AFF2: variants seen among roughly 807,000 people sequenced by gnomAD.
The protein encoded by AFF2 is ALF transcription elongation factor 2.
Under a neutral mutation model 76.9 loss-of-function variants are expected in AFF2, and 14 were observed. That is an observed-to-expected ratio of 0.18 (90% confidence interval 0.12 to 0.28). The LOEUF is 0.28. Ranked by LOEUF, AFF2 falls within the 10% of genes least tolerant of loss-of-function variation. The pLI, the probability that AFF2 is intolerant of heterozygous loss-of-function variation, is 1.00. For missense variants in AFF2, 868 were observed against 1,001.1 expected (o/e 0.87, Z 1.79); for synonymous variants, 398 against 366.7 (o/e 1.09, Z -0.98).
chrX:148,971,133 T>G (rs1055068718), intron 15 of AFF2, among the ~76,000 whole-genome samples: 2 of 108,972 alleles, frequency 1.8e-5, no homozygotes, highest in Admixed American at 2.0e-4. Context: ...ATTGTTTTTT[T>G]TTTTTTTTTT....
In AFF2 at chrX:148,642,272, T is replaced by C. The variant is rs1019934407; in HGVS notation, c.48-9727T>C. Among the ~76,000 whole-genome samples, 3 of 112,283 alleles carry C rather than the reference T, an allele frequency of 2.7e-5. No homozygotes were observed. The Admixed American group carries it at 2.8e-4, about 11-fold the overall frequency. On this transcript the variant is annotated intron_variant, in intron 1 of 20. Coordinates refer to ENST00000370460, the MANE Select transcript of AFF2 (RefSeq NM_002025.4). ...GAGTGCAAGTGGATCAAAGGGTTTG[T>C]TGAGATGTGAAAACAGAGTCAGCTT...
intron 3 of AFF2, among the ~76,000 whole-genome samples, chrX:148,785,127 G>T (rs1557269396): frequency 8.9e-6 from 1 of 112,355 alleles, no homozygotes; most frequent in African/African-American, 3.2e-5. Flanking sequence ...GTGTACGCAT[G>T]CGCATGCACA....
intron 1 of AFF2, among the ~76,000 whole-genome samples, chrX:148,560,500 A>C (rs2053099757): frequency 1.8e-5 from 2 of 112,302 alleles, no homozygotes; most frequent in Non-Finnish European, 3.8e-5. Flanking sequence ...AAAACGCCAA[A>C]AGCAACAGCA....
chrX:148,668,537 G>A (rs150335724), intron 3 of AFF2, among the ~76,000 whole-genome samples: 7,552 of 112,318 alleles, frequency 0.067, 211 homozygotes, highest in South Asian at 0.12. Flanking sequence ...TGAAATCTAG[G>A]TGGAGGTTCC....
In AFF2 at chrX:148,973,622, T is replaced by C. The variant is rs782397044; in HGVS notation, c.3404+15T>C. ...GAGCTCCTCAGGTGAATAGCCTTTC[T>C]GCAATCATCTTCCTACACTCATTTC... On this transcript the variant is annotated intron_variant, in intron 16 of 20. Transcript: ENST00000370460. 9 of 1,189,001 alleles carry C rather than the reference T, an allele frequency of 7.6e-6. No homozygotes were observed. Among genetic ancestry groups the C allele is most frequent in the Admixed American group, 2.2e-5 (1 of 45,645 alleles).
chrX:148,854,504 A>T (rs1305696778), intron 7 of AFF2, among the ~76,000 whole-genome samples: 2 of 111,700 alleles, frequency 1.8e-5, no homozygotes, highest in Non-Finnish European at 3.8e-5. Context: ...GATCTATCCC[A>T]GAAAAACCCC....
intron 13 of AFF2, among the ~76,000 whole-genome samples, chrX:148,966,526 C>T (rs2072174629): frequency 1.8e-5 from 2 of 109,822 alleles, no homozygotes; most frequent in African/African-American, 3.3e-5. Context: ...TTTGCTGTGG[C>T]TGTCTTAATG....
At chrX:148,719,249 G>C (rs62610426) in intron 3 of AFF2, 12,443 of 1,114,966 alleles carry the variant, frequency 0.011, 61 homozygotes, top group Non-Finnish European at 0.013. Flanking sequence ...ATATGAGTTG[G>C]CTGTAGAAGG....
At chrX:148,842,758 C>A (rs782655680) in intron 5 of AFF2, among the ~76,000 whole-genome samples, 2 of 111,732 alleles carry the variant, frequency 1.8e-5, no homozygotes, top group Non-Finnish European at 3.8e-5. Flanking sequence ...GATTAAATGG[C>A]AGTTATGATC....
chrX:148,987,749 C>T (rs782742926), intron 20 of AFF2, among the ~76,000 whole-genome samples, 192 bp downstream of exon 20: 7 of 111,501 alleles, frequency 6.3e-5, no homozygotes, highest in South Asian at 3.8e-4. Flanking sequence ...AAAAAAGCCC[C>T]GGAATTTTGT....
intron 1 of AFF2, among the ~76,000 whole-genome samples, chrX:148,624,196 C>T (rs782353008): frequency 9.0e-6 from 1 of 111,247 alleles, no homozygotes; most frequent in South Asian, 3.8e-4. Flanking sequence ...TTTTGCAGTC[C>T]GCAGTCCCTT....
At chrX:148,550,765 C>T (rs1199979029) in intron 1 of AFF2, among the ~76,000 whole-genome samples, 2 of 111,318 alleles carry the variant, frequency 1.8e-5, no homozygotes, top group East Asian at 2.8e-4. Flanking sequence ...AAATGTATTG[C>T]GTTAATGGTT....
chrX:148,735,672 G>A (rs1448499538), intron 3 of AFF2, among the ~76,000 whole-genome samples: 1 of 110,893 alleles, frequency 9.0e-6, no homozygotes, highest in African/African-American at 3.3e-5. Flanking sequence ...GGTTGCATGT[G>A]TAAGTTTTTT....
intron 1 of AFF2, among the ~76,000 whole-genome samples, chrX:148,609,754 A>G (rs782041864): frequency 9.0e-6 from 1 of 111,694 alleles, no homozygotes; most frequent in African/African-American, 3.3e-5. Flanking sequence ...TGAGACACAC[A>G]CATTGGATAT....
rs782049540 is a variant in AFF2 at position 148,955,841 on chromosome X, G to A, written c.1796G>A (p.Arg599Gln). 6 of 1,209,381 alleles carry A rather than the reference G, an allele frequency of 5.0e-6. No individual in the cohort carries two copies. The highest frequency in any genetic ancestry group is 3.5e-5 in the South Asian group (2 of 56,731). ...LSLIREKARP[R>Q]PTQKIPETKA... The stretch of plus-strand genomic sequence containing the variant: ...CTCATTAGGGAGAAAGCCCGTCCAC[G>A]GCCCACTCAGAAAATTCCAGAAACA... Residue 599 changes from arginine to glutamine, a missense_variant, in exon 11 of 21, where the codon CGG becomes CAG. Physicochemically the swap from Arg to Gln is conservative, Grantham distance 43. Around this residue, in one of 6 missense-constraint regions of AFF2, gnomAD observed 532 missense variants for 564.2 expected, o/e 0.94. Transcript: ENST00000370460.
At chrX:148,703,241 T>C (rs2054825324) in intron 3 of AFF2, among the ~76,000 whole-genome samples, 1 of 111,960 alleles carries the variant, frequency 8.9e-6, no homozygotes, top group Non-Finnish European at 1.9e-5. Flanking sequence ...CAGGAATAAA[T>C]TGCATACAAA....
At chrX:148,790,071 G>A (rs1358701587) in intron 3 of AFF2, among the ~76,000 whole-genome samples, 5 of 111,986 alleles carry the variant, frequency 4.5e-5, no homozygotes, top group African/African-American at 1.6e-4. Flanking sequence ...AGAGCTGTAA[G>A]AATAAGTCCA....
intron 1 of AFF2, among the ~76,000 whole-genome samples, chrX:148,564,701 C>T (rs1603243779): frequency 9.0e-6 from 1 of 111,501 alleles, no homozygotes; most frequent in East Asian, 2.8e-4. Context: ...CAGTGCTCAG[C>T]TCAGATGCAG....
At chrX:148,642,503 G>T (rs963314326) in intron 1 of AFF2, among the ~76,000 whole-genome samples, 6 of 112,465 alleles carry the variant, frequency 5.3e-5, no homozygotes, top group African/African-American at 1.9e-4. Context: ...ACTTGGAAAA[G>T]AATTCCTGAT....
Sources: gnomAD v4.1 joint callset for allele counts (sites outside exome capture counted in the v4.1 genomes callset) on GRCh38, gnomAD v4.1.1 for gene constraint, gnomAD v4.1.1 regional missense constraint, MANE v1.5 for transcripts, NCBI Gene and HGNC (gene_info 2026-07-23, HGNC 2026-07-21) for gene names.